The following HHAT variants were observed in gnomAD, a reference collection of about 807,000 sequenced individuals.
The protein encoded by HHAT is protein-cysteine N-palmitoyltransferase HHAT.
In HHAT, 47 loss-of-function variants were observed where a neutral mutation model predicts 70.8. The ratio of observed to expected loss-of-function variants is 0.66; its 90% confidence interval spans 0.53 to 0.85. The LOEUF (loss-of-function observed/expected upper bound fraction) is 0.85. Among genes scored for constraint, HHAT ranks in the 40% least tolerant of loss-of-function variants. The probability of loss-of-function intolerance (pLI) is 0.00; values close to 1 mark genes in which losing one functional copy is unlikely to be tolerated. For synonymous variants in HHAT, 228 were observed against 247.6 expected, an observed-to-expected ratio of 0.92 and a Z score of 0.74; for missense variants, 609 against 604.8, an observed-to-expected ratio of 1.01 and a Z score of -0.07.
At chr1:210,426,184 C>A (rs981892888) in intron 7 of HHAT, among the ~76,000 whole-genome samples, 7 of 152,188 alleles carry the variant, frequency 4.6e-5, no homozygotes, top group Non-Finnish European at 8.8e-5. Context: ...GATTTTTGCA[C>A]ATTGATTTTG....
intron 10 of HHAT, among the ~76,000 whole-genome samples, chr1:210,619,404 A>G (rs1355676921): frequency 2.6e-5 from 4 of 152,092 alleles, no homozygotes; most frequent in African/African-American, 4.8e-5. Flanking sequence ...GTGATGACAC[A>G]TGGTGGGCAG....
At chr1:210,570,736 A>T (rs1334629140) in intron 9 of HHAT, among the ~76,000 whole-genome samples, 1 of 152,192 alleles carries the variant, frequency 6.6e-6, no homozygotes. Flanking sequence ...TAATAGTGTG[A>T]TTTGAAGTGA....
intron 8 of HHAT, among the ~76,000 whole-genome samples, chr1:210,488,251 C>T (rs1018811267): frequency 6.6e-6 from 1 of 152,168 alleles, no homozygotes; most frequent in Non-Finnish European, 1.5e-5. Flanking sequence ...CCCTCATCTC[C>T]TTCAAGTCTT....
At chr1:210,448,350 G>A (rs1453767415) in intron 7 of HHAT, among the ~76,000 whole-genome samples, 1 of 152,094 alleles carries the variant, frequency 6.6e-6, no homozygotes, top group Non-Finnish European at 1.5e-5. Flanking sequence ...CCAAAGTGTT[G>A]GGATTACAGA....
At chr1:210,610,417 A>G (rs1211578983) in intron 10 of HHAT, among the ~76,000 whole-genome samples, 5 of 152,336 alleles carry the variant, frequency 3.3e-5, no homozygotes, top group Non-Finnish European at 5.9e-5. Flanking sequence ...GCTGGATAGT[A>G]GACCTTTGTC....
At chr1:210,474,972 C>T (rs531040978) in intron 8 of HHAT, among the ~76,000 whole-genome samples, 2 of 151,992 alleles carry the variant, frequency 1.3e-5, no homozygotes, top group African/African-American at 4.8e-5. Flanking sequence ...TGCCTCAGTC[C>T]CCCAAGTAGT....
At chr1:210,341,075 G>C (rs1456700621) in intron 1 of HHAT, among the ~76,000 whole-genome samples, 1 of 152,224 alleles carries the variant, frequency 6.6e-6, no homozygotes, top group African/African-American at 2.4e-5. Context: ...TAGGAAATCT[G>C]TAAATAGTAC....
intron 10 of HHAT, among the ~76,000 whole-genome samples, chr1:210,591,198 T>C (rs931936993): frequency 2.6e-5 from 4 of 151,926 alleles, no homozygotes; most frequent in Non-Finnish European, 4.4e-5. Flanking sequence ...TAACCATCAT[T>C]CCCCCCAACT....
rs1680868363 is a variant in HHAT at position 210,674,815 on chromosome 1, G to GT, written c.*439dup. ...TCTAAAATATTTGAGTGACATTGAT[G>GT]TTTAAGTGACCTCCTTCATCACATC... On this transcript the variant is annotated 3_prime_UTR_variant, in exon 12 of 12. Transcript: ENST00000261458. 6.4e-6 allele frequency: 1 copy of GT among 156,018 alleles called. No homozygotes were observed. Among genetic ancestry groups the GT allele is most frequent in the Admixed American group, 6.4e-5 (1 of 15,706 alleles). The allele number at this position is 156,018 out of a possible 1,614,324, so 9.7% of individuals were successfully genotyped here.
chr1:210,376,214 A>T (rs1374582598), intron 3 of HHAT, among the ~76,000 whole-genome samples: 1 of 152,092 alleles, frequency 6.6e-6, no homozygotes, highest in African/African-American at 2.4e-5. Context: ...CCCATCTAGT[A>T]AGTTATATAT....
At chr1:210,502,163 T>C (rs1239233158) in intron 8 of HHAT, among the ~76,000 whole-genome samples, 1 of 151,838 alleles carries the variant, frequency 6.6e-6, no homozygotes, top group Non-Finnish European at 1.5e-5. Context: ...GGTGGGTGGA[T>C]CACGAGGTCA....
intron 7 of HHAT, among the ~76,000 whole-genome samples, chr1:210,426,632 A>AATGAATTACATTTATTG (rs1204187597): frequency 1.3e-5 from 2 of 152,000 alleles, no homozygotes; most frequent in Non-Finnish European, 2.9e-5. Context: ...CTGTTTTTGT[A>AATGAATTACATTTATTG]ATGAATTACA....
rs377158339 is a variant in HHAT, at chr1:210,539,240, CA to C, written c.1043+26059del. 7.4e-4 allele frequency among the ~76,000 whole-genome samples: 112 copies of C among 152,026 alleles called. 2 individuals are homozygous for C. In the South Asian group the frequency reaches 0.022, roughly 30 times the overall value. ...ACATCTGCCTGGCAATACCTCAGGC[CA>C]AAAAAACAGTGGAACAAGGCCTATT... On this transcript the variant is annotated intron_variant, in intron 9 of 11. Coordinates refer to ENST00000261458, the MANE Select transcript of HHAT (RefSeq NM_018194.6).
chr1:210,613,639 C>T (rs1667039595), intron 10 of HHAT, among the ~76,000 whole-genome samples: 2 of 152,062 alleles, frequency 1.3e-5, no homozygotes, highest in Admixed American at 6.6e-5. Flanking sequence ...GTGGGGTTTT[C>T]TATTTTTCCA....
chr1:210,400,038 A>G (rs976833879), intron 4 of HHAT, among the ~76,000 whole-genome samples: 2 of 152,228 alleles, frequency 1.3e-5, no homozygotes, highest in African/African-American at 4.8e-5. Context: ...AGGTCTTCCT[A>G]GAAATGTGTA....
At chr1:210,560,649 CAAAAA>C (rs563941240) in intron 9 of HHAT, among the ~76,000 whole-genome samples, 1 of 124,874 alleles carries the variant, frequency 8.0e-6, no homozygotes, top group African/African-American at 2.9e-5. Flanking sequence ...CCATCTCTAC[CAAAAA>C]AAAAAAAAAG....
At chr1:210,367,491 G>A (rs2089113789) in intron 3 of HHAT, among the ~76,000 whole-genome samples, 1 of 152,196 alleles carries the variant, frequency 6.6e-6, no homozygotes, top group Admixed American at 6.5e-5. Flanking sequence ...GCTTCTGGGA[G>A]AAGGGGGCTG....
intron 11 of HHAT, among the ~76,000 whole-genome samples, chr1:210,648,185 G>T (rs1266173235): frequency 6.6e-6 from 1 of 152,142 alleles, no homozygotes; most frequent in Non-Finnish European, 1.5e-5. Context: ...GAATGGCTTG[G>T]ATCTCTGCTA....
chr1:210,593,043 C>T (rs112251616), intron 10 of HHAT, among the ~76,000 whole-genome samples: 30 of 152,218 alleles, frequency 2.0e-4, no homozygotes, highest in African/African-American at 4.1e-4. Flanking sequence ...CCCCACCCCA[C>T]GACAGACATG....
Sources: gnomAD v4.1 joint callset for allele counts (sites outside exome capture counted in the v4.1 genomes callset) on GRCh38, gnomAD v4.1.1 for gene constraint, MANE v1.5 for transcripts, NCBI Gene and HGNC (gene_info 2026-07-23, HGNC 2026-07-21) for gene names.